MAGT1: variants seen among roughly 807,000 people sequenced by gnomAD.
The protein encoded by MAGT1 is magnesium transporter 1.
A neutral mutation model predicts 28.4 loss-of-function variants in MAGT1; 4 were observed. The observed-to-expected ratio is 0.14, with a 90% CI of 0.07 to 0.32. The LOEUF is 0.32. Among genes scored for constraint, MAGT1 ranks in the 10% least tolerant of loss-of-function variants. MAGT1 has a pLI of 1.00. For synonymous variants in MAGT1, 89 were observed against 89.7 expected, an observed-to-expected ratio of 0.99 and a Z score of 0.04; for missense variants, 193 against 264.5, an observed-to-expected ratio of 0.73 and a Z score of 1.88.
intron 8 of MAGT1, among the ~76,000 whole-genome samples, chrX:77,837,989 C>T (rs1426509701): frequency 8.9e-6 from 1 of 111,892 alleles, no homozygotes; most frequent in Non-Finnish European, 1.9e-5. Flanking sequence ...ATCCACCTGC[C>T]TTGGCTTCCC....
intron 1 of MAGT1, among the ~76,000 whole-genome samples, chrX:77,876,010 T>C (rs1164009400): frequency 1.9e-5 from 2 of 105,114 alleles, no homozygotes; most frequent in Non-Finnish European, 3.9e-5. Context: ...TTTGTATTTT[T>C]TGTAGAGATG....
At chrX:77,868,758 T>C in intron 3 of MAGT1, 1 of 243,932 alleles carries the variant, frequency 4.1e-6, no homozygotes, top group Non-Finnish European at 7.9e-6. Flanking sequence ...AGGCAGAGGC[T>C]GCCAGTGAGC....
chrX:77,869,657 A>C (rs2077015553), intron 3 of MAGT1, among the ~76,000 whole-genome samples: 1 of 110,807 alleles, frequency 9.0e-6, no homozygotes, highest in African/African-American at 3.3e-5. Flanking sequence ...TATCAGGGAA[A>C]TCAAAACCAC....
chrX:77,840,542 A>T (rs985632178), intron 8 of MAGT1, among the ~76,000 whole-genome samples: 1 of 111,895 alleles, frequency 8.9e-6, no homozygotes, highest in Non-Finnish European at 1.9e-5. Context: ...TAGTTAAATT[A>T]TAATATAGAG....
chrX:77,848,548 A>C (rs2076958466), intron 7 of MAGT1, among the ~76,000 whole-genome samples: 1 of 110,747 alleles, frequency 9.0e-6, no homozygotes, highest in Non-Finnish European at 1.9e-5. Flanking sequence ...ATGTATTTTT[A>C]TAAATATAAA....
chrX:77,887,037 CT>C (rs1401153469), intron 1 of MAGT1, among the ~76,000 whole-genome samples: 5 of 111,786 alleles, frequency 4.5e-5, no homozygotes, highest in Non-Finnish European at 9.4e-5. Context: ...CACTGGTCCT[CT>C]TTTTTGTCTT....
Position 77,895,288 on chromosome X carries a change from T to A in MAGT1, c.102+21A>T. 2.5e-6 allele frequency: 3 copies of A among 1,210,049 alleles called. No individual in the cohort carries two copies. The South Asian group carries it at 5.3e-5, about 21-fold the overall frequency. Reference sequence around the variant, plus strand: ...CCCAGTCATTGGGAAAAGCCCATGCTGCTGGAAACCGCGTTCTCACCTCCT... The same window carrying A: ...CCCAGTCATTGGGAAAAGCCCATGCAGCTGGAAACCGCGTTCTCACCTCCT... On this transcript the variant is annotated intron_variant, in intron 1 of 9. Transcript: ENST00000618282.
At chrX:77,861,195 A>AACAC (rs1348955043) in intron 3 of MAGT1, among the ~76,000 whole-genome samples, 1 of 109,710 alleles carries the variant, frequency 9.1e-6, no homozygotes, top group Non-Finnish European at 1.9e-5. Flanking sequence ...AAAAAAAGGC[A>AACAC]ACACACACAC....
chrX:77,856,899 T>A (rs368047416), intron 4 of MAGT1, 26 bp from the exon 5 acceptor site: 1 of 1,169,545 alleles, frequency 8.6e-7, no homozygotes, highest in African/African-American at 1.8e-5. Flanking sequence ...GAAAAACATG[T>A]TAAAGTATAA....
chrX:77,834,245 C>CAT (rs1196099079), intron 8 of MAGT1, among the ~76,000 whole-genome samples: 2 of 60,277 alleles, frequency 3.3e-5, no homozygotes, highest in South Asian at 7.9e-4. Flanking sequence ...TATATATATG[C>CAT]ATATATATAC....
intron 3 of MAGT1, chrX:77,868,651 T>C: frequency 3.3e-6 from 1 of 305,293 alleles, no homozygotes; most frequent in Non-Finnish European, 6.3e-6. Flanking sequence ...AACCTGAAAC[T>C]AAAAAGAAAA....
At chrX:77,880,988 A>G (rs1557218367) in intron 1 of MAGT1, among the ~76,000 whole-genome samples, 1 of 108,174 alleles carries the variant, frequency 9.2e-6, no homozygotes, top group African/African-American at 3.3e-5. Context: ...AAAAGAAGGA[A>G]AGATTGGTTA....
In MAGT1 at chrX:77,830,272, TG is replaced by T. The variant is rs782439636; in HGVS notation, c.992+532del. 1.8e-4 allele frequency among the ~76,000 whole-genome samples: 20 copies of T among 112,259 alleles called. No homozygotes were observed. The East Asian group carries it at 5.3e-3, about 30-fold the overall frequency. ...AGGAGTTCAAGGTTACAATGAGCTA[TG>T]AACACGCCATTACACTTCAGCCTGA... On this transcript the variant is annotated intron_variant, in intron 9 of 9. Coordinates refer to ENST00000618282, the MANE Select transcript of MAGT1 (RefSeq NM_001367916.1).
At chrX:77,839,512 T>A (rs2076929122) in intron 8 of MAGT1, among the ~76,000 whole-genome samples, 1 of 96,844 alleles carries the variant, frequency 1.0e-5, no homozygotes, top group African/African-American at 3.7e-5. Context: ...CCTGGCTAAT[T>A]TTTTTTTTTT....
chrX:77,890,322 G>C (rs2077078818), intron 1 of MAGT1, among the ~76,000 whole-genome samples: 1 of 112,102 alleles, frequency 8.9e-6, no homozygotes, highest in African/African-American at 3.2e-5. Flanking sequence ...GAACAGATCT[G>C]GAAATATAAC....
chrX:77,895,504 C>T (rs185325713), upstream of MAGT1: 91 of 1,168,403 alleles, frequency 7.8e-5, 1 homozygote, highest in African/African-American at 1.3e-3. Flanking sequence ...TGCCTTTCCT[C>T]ATTGGTCCAG....
At chrX:77,886,660 A>G (rs957933059) in intron 1 of MAGT1, among the ~76,000 whole-genome samples, 2 of 111,015 alleles carry the variant, frequency 1.8e-5, no homozygotes, top group Non-Finnish European at 3.8e-5. Context: ...TCTCTAAAAA[A>G]AAAACAAAAA....
At chrX:77,895,213 G>C in intron 1 of MAGT1, 96 bp downstream of exon 1, 1 of 968,813 alleles carries the variant, frequency 1.0e-6, no homozygotes, top group Non-Finnish European at 1.5e-6. Context: ...CAAAGGCATA[G>C]AAGCGGCAGG....
chrX:77,878,102 T>G (rs1216598283), intron 1 of MAGT1, among the ~76,000 whole-genome samples: 2 of 101,141 alleles, frequency 2.0e-5, no homozygotes, highest in African/African-American at 7.4e-5. Context: ...GCTAGCATGT[T>G]GAAACCACAT....
Sources: allele counts gnomAD v4.1 joint callset (sites outside exome capture counted in the v4.1 genomes callset), GRCh38; gene constraint gnomAD v4.1.1; transcripts MANE v1.5; gene names NCBI Gene and HGNC (gene_info 2026-07-23, HGNC 2026-07-21).